Variants in SUGCT observed in about 807,000 individuals in gnomAD.
SUGCT encodes succinyl-CoA:glutarate-CoA transferase.
In SUGCT, 41 loss-of-function variants were observed where a neutral mutation model predicts 55.0. The ratio of observed to expected loss-of-function variants is 0.74; its 90% confidence interval spans 0.58 to 0.97. SUGCT has a LOEUF of 0.97. SUGCT is among the 50% of genes least tolerant of loss of function. The probability of loss-of-function intolerance (pLI) is 0.00; values close to 1 mark genes in which losing one functional copy is unlikely to be tolerated. For missense variants in SUGCT, 568 were observed against 547.8 expected (o/e 1.04, Z -0.37); for synonymous variants, 187 against 200.4 (o/e 0.93, Z 0.56).
In SUGCT at chr7:40,169,843, G is replaced by A. The variant is rs189811002; in HGVS notation, c.101-11104G>A. Among the ~76,000 whole-genome samples the A allele has an allele frequency of 1.8e-4, 27 of 151,942 alleles. No homozygotes were observed. In the East Asian group the frequency reaches 2.1e-3, roughly 12 times the overall value. On this transcript the variant is annotated intron_variant, in intron 1 of 13. Coordinates refer to ENST00000335693, the MANE Select transcript of SUGCT (RefSeq NM_001193313.2). Reference sequence around the variant, plus strand: ...CAATAGGGTTTCTAAGTTTTGCTCCGGGCCTAACGTGGACTTCTGAAGTTT... The same window carrying A: ...CAATAGGGTTTCTAAGTTTTGCTCCAGGCCTAACGTGGACTTCTGAAGTTT...
At chr7:40,384,598 TG>T (rs1182918872) in intron 9 of SUGCT, among the ~76,000 whole-genome samples, 1 of 152,014 alleles carries the variant, frequency 6.6e-6, no homozygotes, top group Non-Finnish European at 1.5e-5. Context: ...TTGCCTGGGC[TG>T]GAGTGCAGTA....
chr7:40,422,684 TC>T (rs1178829208), intron 9 of SUGCT, among the ~76,000 whole-genome samples: 4 of 152,148 alleles, frequency 2.6e-5, no homozygotes, highest in Non-Finnish European at 5.9e-5. Context: ...GAATTAAACA[TC>T]AGGTGTCTTG....
At chr7:40,258,675 C>A (rs71536672) in intron 7 of SUGCT, among the ~76,000 whole-genome samples, 1 of 152,148 alleles carries the variant, frequency 6.6e-6, no homozygotes, top group South Asian at 2.1e-4. Flanking sequence ...CCACACCCGG[C>A]CTGGAAAATA....
intron 12 of SUGCT, among the ~76,000 whole-genome samples, chr7:40,726,218 A>C (rs890221654): frequency 1.3e-5 from 2 of 152,152 alleles, no homozygotes; most frequent in Non-Finnish European, 2.9e-5. Context: ...CATTGACTGG[A>C]AGCCTTACCA....
chr7:40,833,848 A>G (rs949188236), intron 13 of SUGCT, among the ~76,000 whole-genome samples: 1 of 152,208 alleles, frequency 6.6e-6, no homozygotes, highest in African/African-American at 2.4e-5. Context: ...GCATTTGGTG[A>G]CGGACTGTGG....
chr7:40,957,007 T>G, the SUGCT span, among the ~76,000 whole-genome samples: 1 of 152,162 alleles, frequency 6.6e-6, no homozygotes, highest in Non-Finnish European at 1.5e-5. Context: ...TTCTGTTCTT[T>G]TGCATTTGTT....
intron 12 of SUGCT, among the ~76,000 whole-genome samples, chr7:40,667,474 A>C (rs930867491): frequency 5.9e-5 from 9 of 151,746 alleles, no homozygotes; most frequent in Non-Finnish European, 1.3e-4. Flanking sequence ...TGAGTTAGGG[A>C]GGAGTCTCTC....
chr7:40,857,951 G>A (rs1162055616), intron 13 of SUGCT, among the ~76,000 whole-genome samples: 1 of 152,068 alleles, frequency 6.6e-6, no homozygotes, highest in Non-Finnish European at 1.5e-5. Context: ...CCCAACAGAC[G>A]TGAAATTGGA....
chr7:40,970,557 T>C, the SUGCT span, among the ~76,000 whole-genome samples: 1 of 152,186 alleles, frequency 6.6e-6, no homozygotes, highest in African/African-American at 2.4e-5. Flanking sequence ...ATGTTGATAA[T>C]GTAAATATAA....
At chr7:41,035,671 T>C in the SUGCT span, among the ~76,000 whole-genome samples, 1 of 152,254 alleles carries the variant, frequency 6.6e-6, no homozygotes, top group Non-Finnish European at 1.5e-5. Context: ...TTTTAAAGTT[T>C]GAAGCTAAAC....
rs1789653667 is a variant in SUGCT at position 40,459,164 on chromosome 7, A to T, written c.952A>T (p.Asn318Tyr). ...KYKTNHLRVHNRKELIKILSE... is the reference protein window; with the variant it reads ...KYKTNHLRVHYRKELIKILSE... Reference sequence around the variant, plus strand: ...TAAAACTAACCACCTTCGGGTACACAATAGAAAAGAGCTTATTAAAATATT... The same window carrying T: ...TAAAACTAACCACCTTCGGGTACACTATAGAAAAGAGCTTATTAAAATATT... Residue 318 changes from asparagine to tyrosine, a missense_variant, in exon 11 of 14, where the codon AAT becomes TAT. Asn to Tyr is a moderately radical substitution (Grantham distance 143). Coordinates refer to ENST00000335693, the MANE Select transcript of SUGCT (RefSeq NM_001193313.2). 6.2e-7 allele frequency: 1 copy of T among 1,610,188 alleles called. No homozygotes were observed. The highest frequency in any genetic ancestry group is 1.7e-5 in the Admixed American group (1 of 59,978).
chr7:40,396,402 T>C (rs1457853904), intron 9 of SUGCT, among the ~76,000 whole-genome samples: 1 of 152,214 alleles, frequency 6.6e-6, no homozygotes, highest in East Asian at 1.9e-4. Context: ...GCCGTGCTTC[T>C]GTGTGTTTAA....
chr7:40,980,834 C>T, the SUGCT span, among the ~76,000 whole-genome samples: 2 of 152,104 alleles, frequency 1.3e-5, no homozygotes, highest in African/African-American at 4.8e-5. Flanking sequence ...GTAGCTGGGA[C>T]CACAGGCACA....
intron 11 of SUGCT, among the ~76,000 whole-genome samples, chr7:40,467,102 T>C (rs1001646997): frequency 6.7e-6 from 1 of 148,706 alleles, no homozygotes; most frequent in Non-Finnish European, 1.5e-5. Context: ...CTTGGGAGAC[T>C]GAGGCAGGGG....
intron 12 of SUGCT, among the ~76,000 whole-genome samples, chr7:40,580,494 C>G (rs1350496319): frequency 6.6e-6 from 1 of 152,112 alleles, no homozygotes; most frequent in Non-Finnish European, 1.5e-5. Context: ...TTCATTTTAT[C>G]ACACATATTT....
intron 9 of SUGCT, among the ~76,000 whole-genome samples, chr7:40,334,610 T>C (rs1796568870): frequency 1.3e-5 from 2 of 152,214 alleles, no homozygotes; most frequent in South Asian, 2.1e-4. Context: ...TTTGTTTTTT[T>C]CTTGTAAATT....
chr7:40,259,638 C>A (rs1791085421), intron 7 of SUGCT, among the ~76,000 whole-genome samples: 1 of 152,164 alleles, frequency 6.6e-6, no homozygotes, highest in South Asian at 2.1e-4. Flanking sequence ...TATGTGAAAC[C>A]ATGCTGTAAT....
intron 12 of SUGCT, among the ~76,000 whole-genome samples, chr7:40,734,724 C>CA (rs1259187687): frequency 6.6e-6 from 1 of 151,678 alleles, no homozygotes; most frequent in Non-Finnish European, 1.5e-5. Context: ...TTGGTCCCTG[C>CA]AAAAAAATAG....
At chr7:40,543,771 G>A (rs972745930) in intron 12 of SUGCT, among the ~76,000 whole-genome samples, 2 of 152,222 alleles carry the variant, frequency 1.3e-5, no homozygotes, top group African/African-American at 4.8e-5. Context: ...TAGTTGTGAT[G>A]TTCAAATGGA....
Sources: gnomAD v4.1 joint callset for allele counts (sites outside exome capture counted in the v4.1 genomes callset) on GRCh38, gnomAD v4.1.1 for gene constraint, MANE v1.5 for transcripts, NCBI Gene and HGNC (gene_info 2026-07-23, HGNC 2026-07-21) for gene names.